KAZN: variants seen among roughly 807,000 people sequenced by gnomAD.
KAZN encodes the protein kazrin, periplakin interacting protein.
In KAZN, 40 loss-of-function variants were observed where a neutral mutation model predicts 87.4. The ratio of observed to expected loss-of-function variants is 0.46; its 90% CI spans 0.36 to 0.60. The LOEUF is 0.60. Among genes scored for constraint, KAZN ranks in the 20% least tolerant of loss-of-function variants. The pLI, the probability that KAZN is intolerant of heterozygous loss-of-function variation, is 0.00. For missense variants in KAZN, 898 were observed against 1,073.9 expected (o/e 0.84, Z 2.29); for synonymous variants, 466 against 458.3 (o/e 1.02, Z -0.22).
chr1:14,598,853 G>A lies in KAZN; in HGVS notation c.-145G>A. The stretch of plus-strand genomic sequence containing the variant: ...TCATTCCTGTGCCGGAGGAACCGGC[G>A]CTGCCGGTGCCTGGGGGTCGGGGCG... On this transcript the variant is annotated 5_prime_UTR_variant, in exon 1 of 15. Coordinates refer to ENST00000376030, the MANE Select transcript of KAZN (RefSeq NM_201628.3). This position sits in a 1 kb window ranked among gnomAD's most constrained non-coding sequence, Gnocchi z 4.2. 7.0e-7 allele frequency: 1 copy of A among 1,419,190 alleles called. No homozygotes were observed. Among genetic ancestry groups the A allele is most frequent in the Non-Finnish European group, 9.1e-7 (1 of 1,093,300 alleles). 87.9% of individuals were successfully genotyped at this position (1,419,190 alleles called of 1,614,324 possible). A position where few individuals can be genotyped will look rare whatever the true frequency, so the allele number is the denominator to read the frequency against.
rs570785949 is a variant in KAZN, at chr1:14,049,117, A to T, written c.92-131318A>T. 3.3e-4 allele frequency among the ~76,000 whole-genome samples: 50 copies of T among 152,282 alleles called. No homozygotes were observed. In the South Asian group the frequency reaches 9.8e-3, roughly 30 times the overall value. ...TAAGAAAATGTGGCACATATACAAC[A>T]TGGAATACTATGCAGCCATAAAAAA... On this transcript the variant is annotated intron_variant, in intron 1 of 16. Coordinates refer to the KAZN transcript ENST00000636203.
chr1:14,067,641 C>A (rs183209511), intron 1 of KAZN, among the ~76,000 whole-genome samples: 204 of 152,094 alleles, frequency 1.3e-3, no homozygotes, highest in African/African-American at 4.6e-3. Context: ...TGTCCCCCCC[C>A]ATACTGCTTC....
chr1:14,164,454 T>TGTG (rs1645775703), intron 1 of KAZN, among the ~76,000 whole-genome samples: 1 of 144,644 alleles, frequency 6.9e-6, no homozygotes, highest in African/African-American at 2.6e-5. Context: ...CACTATGGCT[T>TGTG]TGTGTGTGTG....
chr1:14,479,739 C>T (rs770564572), intron 2 of KAZN, among the ~76,000 whole-genome samples: 2 of 152,152 alleles, frequency 1.3e-5, no homozygotes, highest in Non-Finnish European at 1.5e-5. Context: ...TGGCATGATC[C>T]CCTTCCTCTG....
intron 1 of KAZN, among the ~76,000 whole-genome samples, chr1:14,737,742 G>T (rs922377901): frequency 6.6e-6 from 1 of 152,180 alleles, no homozygotes; most frequent in African/African-American, 2.4e-5. Context: ...CTTTGCAGCT[G>T]TAAGACTGAG....
At chr1:14,764,371 G>T (rs1196854763) in intron 1 of KAZN, among the ~76,000 whole-genome samples, 6 of 99,768 alleles carry the variant, frequency 6.0e-5, no homozygotes, top group African/African-American at 1.4e-4. Context: ...AACCACTCCC[G>T]ACCCCCTCCC....
intron 1 of KAZN, among the ~76,000 whole-genome samples, chr1:14,914,867 G>A (rs953665536): frequency 6.6e-6 from 1 of 152,226 alleles, no homozygotes; most frequent in Non-Finnish European, 1.5e-5. Context: ...CATAGTACTG[G>A]TACTTACATA....
chr1:14,369,983 G>T (rs1660337431), intron 2 of KAZN, among the ~76,000 whole-genome samples: 1 of 152,182 alleles, frequency 6.6e-6, no homozygotes, highest in South Asian at 2.1e-4. Context: ...TCCTTGTACT[G>T]TGGGTGCATT....
At chr1:14,686,606 T>C (rs1190636316) in intron 1 of KAZN, among the ~76,000 whole-genome samples, 1 of 152,260 alleles carries the variant, frequency 6.6e-6, no homozygotes, top group East Asian at 1.9e-4. Flanking sequence ...AGCCTGACCC[T>C]TCACCTTCTG....
intron 1 of KAZN, among the ~76,000 whole-genome samples, chr1:14,801,793 C>T (rs1037533035): frequency 2.6e-5 from 4 of 151,704 alleles, no homozygotes; most frequent in African/African-American, 4.8e-5. Context: ...ATGCCATTCT[C>T]CTTCCTCAGC....
intron 10 of KAZN, among the ~76,000 whole-genome samples, chr1:15,095,300 C>T (rs887197406): frequency 6.6e-6 from 1 of 152,140 alleles, no homozygotes; most frequent in East Asian, 1.9e-4. Flanking sequence ...TCTTACCATA[C>T]ATAACAGGGT....
intron 2 of KAZN, among the ~76,000 whole-genome samples, chr1:14,274,617 A>G (rs1054544222): frequency 3.9e-5 from 6 of 152,202 alleles, no homozygotes; most frequent in Non-Finnish European, 7.3e-5. Flanking sequence ...TGATCTGTGG[A>G]CAAGGCTCTG....
intron 1 of KAZN, among the ~76,000 whole-genome samples, chr1:14,167,824 T>C (rs1226247047): frequency 6.6e-6 from 1 of 152,062 alleles, no homozygotes; most frequent in African/African-American, 2.4e-5. Flanking sequence ...GAGGTGGAGA[T>C]AAAGACTGCA....
At chr1:14,743,128 G>A (rs1199777202) in intron 1 of KAZN, among the ~76,000 whole-genome samples, 2 of 152,152 alleles carry the variant, frequency 1.3e-5, no homozygotes, top group Non-Finnish European at 2.9e-5. Flanking sequence ...ATGGGGGTCA[G>A]GATCAGAGAG....
intron 1 of KAZN, among the ~76,000 whole-genome samples, chr1:14,666,233 A>G (rs982865619): frequency 2.6e-5 from 4 of 152,096 alleles, no homozygotes; most frequent in Non-Finnish European, 4.4e-5. Flanking sequence ...AAGTGATTGA[A>G]TATGGGACAA....
chr1:14,289,074 C>T (rs971079078), intron 2 of KAZN, among the ~76,000 whole-genome samples: 6 of 152,152 alleles, frequency 3.9e-5, no homozygotes, highest in Non-Finnish European at 5.9e-5. Flanking sequence ...TGTTCTTTTA[C>T]ATTTGCTGAG....
intron 1 of KAZN, among the ~76,000 whole-genome samples, chr1:14,757,083 G>GGA (rs1644590279): frequency 6.6e-6 from 1 of 152,220 alleles, no homozygotes; most frequent in Admixed American, 6.5e-5. Flanking sequence ...AAGCTCAGAA[G>GGA]TTTGCAGAGA....
chr1:15,072,658 C>T (rs1288976362), intron 8 of KAZN, among the ~76,000 whole-genome samples: 1 of 152,198 alleles, frequency 6.6e-6, no homozygotes, highest in Non-Finnish European at 1.5e-5. Context: ...CTCCAAAATA[C>T]ATGTCATCCC....
At chr1:14,997,529 C>A (rs557416727) in intron 2 of KAZN, among the ~76,000 whole-genome samples, 1 of 152,096 alleles carries the variant, frequency 6.6e-6, no homozygotes, top group Non-Finnish European at 1.5e-5. Flanking sequence ...TGTGAGCCAC[C>A]GCACCTGGCC....
Sources: gnomAD v4.1 joint callset for allele counts (sites outside exome capture counted in the v4.1 genomes callset) on GRCh38, gnomAD v4.1.1 for gene constraint, Gnocchi (gnomAD v3.1) non-coding constraint, MANE v1.5 for transcripts, NCBI Gene and HGNC (gene_info 2026-07-23, HGNC 2026-07-21) for gene names.